The following KCNIP4 variants were observed in gnomAD, a reference collection of about 807,000 sequenced individuals.
KCNIP4 encodes the protein Kv channel-interacting protein 4.
A neutral mutation model predicts 34.0 loss-of-function variants in KCNIP4; 12 were observed. The observed-to-expected ratio is 0.35, with a 90% CI of 0.23 to 0.57. KCNIP4 has a LOEUF of 0.57. Among genes scored for constraint, KCNIP4 ranks in the 20% least tolerant of loss-of-function variants. The pLI, the probability that KCNIP4 is intolerant of heterozygous loss-of-function variation, is 0.83. For missense variants in KCNIP4, 238 were observed against 311.7 expected, an observed-to-expected ratio of 0.76 and a Z score of 1.78; for synonymous variants, 124 against 102.2, an observed-to-expected ratio of 1.21 and a Z score of -1.29.
intron 1 of KCNIP4, among the ~76,000 whole-genome samples, chr4:20,894,010 AGC>A (rs1242546878): frequency 6.6e-6 from 1 of 152,076 alleles, no homozygotes; most frequent in Non-Finnish European, 1.5e-5. Flanking sequence ...CCACCGGAGT[AGC>A]TGGGATTACA....
chr4:21,862,917 C>T (rs144990487), intron 1 of KCNIP4, among the ~76,000 whole-genome samples: 2,626 of 150,886 alleles, frequency 0.017, 75 homozygotes, highest in African/African-American at 0.06. Context: ...GCCCAGATCG[C>T]GCCACTGCAC....
chr4:21,213,177 T>G (rs1384353302), intron 1 of KCNIP4, among the ~76,000 whole-genome samples: 1 of 152,164 alleles, frequency 6.6e-6, no homozygotes, highest in Non-Finnish European at 1.5e-5. Flanking sequence ...TTAGAGCACA[T>G]GAGGCAAAGT....
rs1327026868 is a variant in KCNIP4, at chr4:21,941,997, C to T, written c.61+6574G>A. Among the ~76,000 whole-genome samples the T allele has an allele frequency of 2.0e-5, 3 of 152,214 alleles. No individual in the cohort carries two copies. In the East Asian group the frequency reaches 5.8e-4, roughly 29 times the overall value. On this transcript the variant is annotated intron_variant, in intron 1 of 8. Coordinates refer to ENST00000382152, the MANE Select transcript of KCNIP4 (RefSeq NM_025221.6). ...CACAGCCTGTAGTGAAAAGACTGGG[C>T]AAGAAGAGGAGATACAGCCACAGCA...
At chr4:21,371,616 C>G (rs774160260) in intron 1 of KCNIP4, among the ~76,000 whole-genome samples, 1 of 146,804 alleles carries the variant, frequency 6.8e-6, no homozygotes, top group Non-Finnish European at 1.5e-5. Flanking sequence ...TACCTGTATG[C>G]CTGACACACA....
chr4:21,836,914 A>ATTTTTTTTTTTTTTTTTTTTT (rs201730191), intron 1 of KCNIP4, among the ~76,000 whole-genome samples: 1 of 123,538 alleles, frequency 8.1e-6, no homozygotes, highest in African/African-American at 3.3e-5. Context: ...GCTGGGATAA[A>ATTTTTTTTTTTTTTTTTTTTT]TTTTTTTTTT....
intron 1 of KCNIP4, among the ~76,000 whole-genome samples, chr4:21,012,668 G>C (rs905131868): frequency 6.6e-5 from 10 of 152,180 alleles, no homozygotes; most frequent in Admixed American, 6.5e-5. Flanking sequence ...CTATGCCACA[G>C]GAAATGTTCA....
intron 1 of KCNIP4, among the ~76,000 whole-genome samples, chr4:21,389,181 G>A (rs1036770015): frequency 4.0e-5 from 6 of 151,854 alleles, no homozygotes; most frequent in Admixed American, 6.6e-5. Context: ...GGGTTTCACC[G>A]TGTTGCCCAG....
intron 1 of KCNIP4, among the ~76,000 whole-genome samples, chr4:20,949,861 G>A (rs1732588046): frequency 7.7e-6 from 1 of 130,402 alleles, no homozygotes; most frequent in Non-Finnish European, 1.6e-5. Context: ...ACGGTTGGGG[G>A]GTGGGGGGAG....
chr4:21,256,083 G>A (rs1761045351), intron 1 of KCNIP4, among the ~76,000 whole-genome samples: 2 of 152,002 alleles, frequency 1.3e-5, no homozygotes, highest in African/African-American at 4.8e-5. Context: ...ATAAAATACA[G>A]AGTTGTAGCA....
At chr4:21,644,984 G>T (rs1329968859) in intron 1 of KCNIP4, among the ~76,000 whole-genome samples, 2 of 152,024 alleles carry the variant, frequency 1.3e-5, no homozygotes, top group African/African-American at 4.8e-5. Flanking sequence ...AGGTACCCTA[G>T]GGTACCAGAG....
chr4:21,630,463 A>G (rs948020426), intron 1 of KCNIP4, among the ~76,000 whole-genome samples: 8 of 152,006 alleles, frequency 5.3e-5, no homozygotes, highest in Non-Finnish European at 7.4e-5. Context: ...ATCAAAAAAA[A>G]AAAAAAGAAA....
intron 1 of KCNIP4, among the ~76,000 whole-genome samples, chr4:21,360,850 T>C (rs180742960): frequency 6.6e-6 from 1 of 152,206 alleles, no homozygotes; most frequent in East Asian, 1.9e-4. Context: ...GGACAATTAT[T>C]TTCAAATTCT....
chr4:21,419,366 G>A (rs1313424359), intron 1 of KCNIP4, among the ~76,000 whole-genome samples: 1 of 152,096 alleles, frequency 6.6e-6, no homozygotes, highest in Non-Finnish European at 1.5e-5. Flanking sequence ...TGATGATGAT[G>A]ATGATGACAA....
chr4:21,655,618 T>C (rs1299963982), intron 1 of KCNIP4, among the ~76,000 whole-genome samples: 1 of 152,194 alleles, frequency 6.6e-6, no homozygotes, highest in Non-Finnish European at 1.5e-5. Flanking sequence ...CACATAAAGG[T>C]AGAATATTTT....
At chr4:21,683,089 A>G (rs990467391) in intron 1 of KCNIP4, among the ~76,000 whole-genome samples, 9 of 152,182 alleles carry the variant, frequency 5.9e-5, no homozygotes, top group African/African-American at 2.2e-4. Context: ...GCAAAGAACA[A>G]TACGATGAGG....
At position 21,397,403 on chromosome 4, in the gene KCNIP4, G is replaced by A. The variant is rs77410066; in HGVS notation, c.62-514694C>T. ...ATCACATTTATCAATAGCATACTAA[G>A]AGGGAGAGCATCAAGATAAATAGCT... On this transcript the variant is annotated intron_variant, in intron 1 of 8. Coordinates refer to ENST00000382152, the MANE Select transcript of KCNIP4 (RefSeq NM_025221.6). Among the ~76,000 whole-genome samples, 1,294 of 152,244 alleles carry A rather than the reference G, an allele frequency of 8.5e-3. 19 individuals are homozygous for A. Among genetic ancestry groups the A allele is most frequent in the African/African-American group, 0.03 (1,242 of 41,540 alleles).
chr4:21,769,317 C>G (rs1709314249), intron 1 of KCNIP4, among the ~76,000 whole-genome samples: 1 of 152,118 alleles, frequency 6.6e-6, no homozygotes, highest in African/African-American at 2.4e-5. Flanking sequence ...TTATGTCCCT[C>G]TGCCAGGTTT....
At chr4:21,689,859 C>A (rs924897147) in intron 1 of KCNIP4, among the ~76,000 whole-genome samples, 1 of 152,000 alleles carries the variant, frequency 6.6e-6, no homozygotes, top group Non-Finnish European at 1.5e-5. Context: ...GATTCACTGG[C>A]CATCCTCAGA....
Position 20,817,886 on chromosome 4 carries a change from T to C in KCNIP4, c.288+32657A>G, listed in dbSNP as rs535431391. Among the ~76,000 whole-genome samples the C allele has an allele frequency of 2.6e-5, 4 of 152,296 alleles. No homozygotes were observed. The East Asian group carries it at 7.7e-4, about 29-fold the overall frequency. ...AGTGGTGCAAGCACTGCCTAACTTCTTGAGCGTAGAGTATGAGGAGAAGGA... is the reference window on the plus strand; with the variant it reads ...AGTGGTGCAAGCACTGCCTAACTTCCTGAGCGTAGAGTATGAGGAGAAGGA... On this transcript the variant is annotated intron_variant, in intron 3 of 8. Coordinates refer to ENST00000382152, the MANE Select transcript of KCNIP4 (RefSeq NM_025221.6).
Sources: allele counts gnomAD v4.1 joint callset (sites outside exome capture counted in the v4.1 genomes callset), GRCh38; gene constraint gnomAD v4.1.1; transcripts MANE v1.5; gene names NCBI Gene and HGNC (gene_info 2026-07-23, HGNC 2026-07-21).